Variants in KCNQ4 observed in about 807,000 individuals in gnomAD.
KCNQ4 encodes the protein potassium voltage-gated channel subfamily KQT member 4.
In KCNQ4, 31 loss-of-function variants were observed where a neutral mutation model predicts 72.6. That is an observed-to-expected ratio of 0.43 (90% CI 0.32 to 0.58). KCNQ4 has a LOEUF of 0.58. Ranked by LOEUF, KCNQ4 falls within the 20% of genes least tolerant of loss-of-function variation. The pLI is 0.08. For synonymous variants in KCNQ4, 405 were observed against 403.7 expected, an observed-to-expected ratio of 1.00 and a Z score of -0.04; for missense variants, 869 against 962.6, an observed-to-expected ratio of 0.90 and a Z score of 1.29.
At chr1:40,821,693 C>A (rs1220718231) in intron 7 of KCNQ4, among the ~76,000 whole-genome samples, 1 of 152,208 alleles carries the variant, frequency 6.6e-6, no homozygotes, top group Non-Finnish European at 1.5e-5. Flanking sequence ...ATTTGCAAAG[C>A]ACCCACATGT....
intron 10 of KCNQ4, among the ~76,000 whole-genome samples, chr1:40,831,543 A>G (rs1648647651): frequency 1.3e-5 from 2 of 152,234 alleles, no homozygotes; most frequent in South Asian, 4.1e-4. Context: ...GGTTAGCAGC[A>G]CAGGCTTTGG....
chr1:40,818,713 G>T (rs750873017), intron 4 of KCNQ4, 33 bp downstream of exon 4: 1 of 1,559,168 alleles, frequency 6.4e-7, no homozygotes, highest in Non-Finnish European at 8.6e-7. Flanking sequence ...GGAGACCCGA[G>T]GGCGTGTCTG....
intron 1 of KCNQ4, among the ~76,000 whole-genome samples, chr1:40,796,564 C>T (rs756996052): frequency 5.9e-5 from 9 of 152,246 alleles, no homozygotes; most frequent in Non-Finnish European, 8.8e-5. Flanking sequence ...CTAACTCACC[C>T]GGACTATGTC....
intron 9 of KCNQ4, chr1:40,826,605 A>G: frequency 2.2e-6 from 1 of 447,594 alleles, no homozygotes; most frequent in Non-Finnish European, 4.6e-6. Flanking sequence ...TTTCCCGCTA[A>G]CCTCTGTTCG....
chr1:40,815,237 TC>T (rs1648047436), intron 1 of KCNQ4, among the ~76,000 whole-genome samples: 1 of 92,734 alleles, frequency 1.1e-5, no homozygotes. Flanking sequence ...AGACTCCATC[TC>T]AAAAAAAAAA....
rs1475789252 is a variant in KCNQ4 at position 40,832,887 on chromosome 1, T to C, written c.1514-127T>C. 4.0e-6 allele frequency: 3 copies of C among 743,572 alleles called. No homozygotes were observed. The South Asian group carries it at 4.2e-5, about 11-fold the overall frequency. The allele number at this position is 743,572 out of a possible 1,614,324, so 46.1% of individuals were successfully genotyped here. A position where few individuals can be genotyped will look rare whatever the true frequency, so the allele number is the denominator to read the frequency against. On this transcript the variant is annotated intron_variant, in intron 10 of 13. Transcript: ENST00000347132. ...TGAGACACAGGAGCCCCAAGAAGGT[T>C]CTGAGCCCTTTCTGGGCCTCTGTCT...
At position 40,824,861 on chromosome 1, in the gene KCNQ4, T is replaced by G. The variant is rs566281668; in HGVS notation, c.1292+603T>G. 2.0e-4 allele frequency among the ~76,000 whole-genome samples: 31 copies of G among 152,378 alleles called. No individual in the cohort carries two copies. In the South Asian group the frequency reaches 5.4e-3, roughly 26 times the overall value. Reference sequence around the variant, plus strand: ...GTGCAGCCCTTGTCTGCAACTTTGCTAATCCCAGAGGGTCCTCTTGGGGTT... The same window carrying G: ...GTGCAGCCCTTGTCTGCAACTTTGCGAATCCCAGAGGGTCCTCTTGGGGTT... On this transcript the variant is annotated intron_variant, in intron 9 of 13. Coordinates refer to ENST00000347132, the MANE Select transcript of KCNQ4 (RefSeq NM_004700.4).
intron 1 of KCNQ4, among the ~76,000 whole-genome samples, chr1:40,797,634 G>A (rs1647454135): frequency 6.6e-6 from 1 of 152,096 alleles, no homozygotes; most frequent in African/African-American, 2.4e-5. Context: ...GATGCTGGAG[G>A]GGTAAGGACT....
chr1:40,838,551 C>A lies in KCNQ4; in HGVS notation c.*28C>A, dbSNP rs376526277. On this transcript the variant is annotated 3_prime_UTR_variant, in exon 14 of 14. Coordinates refer to ENST00000347132, the MANE Select transcript of KCNQ4 (RefSeq NM_004700.4). ...GACTTCTCAGAGGCAGGGCAGCACACGGCCAGCCCCGCGGCCTGGCGCTCC... is the reference window on the plus strand; with the variant it reads ...GACTTCTCAGAGGCAGGGCAGCACAAGGCCAGCCCCGCGGCCTGGCGCTCC... The A allele has an allele frequency of 3.1e-6, 5 of 1,603,104 alleles. No homozygotes were observed. Among genetic ancestry groups the A allele is most frequent in the Non-Finnish European group, 4.3e-6 (5 of 1,170,300 alleles).
In KCNQ4 at chr1:40,817,662, T is replaced by C. The variant is rs1033781550; in HGVS notation, c.405+307T>C. On this transcript the variant is annotated intron_variant, in intron 2 of 13. Coordinates refer to ENST00000347132, the MANE Select transcript of KCNQ4 (RefSeq NM_004700.4). The surrounding 1 kb of genome is among the most constrained non-coding windows in gnomAD (Gnocchi z 5.5). ...CTCTCTGGGCATCATCTCCACTTTA[T>C]AGCAAGTGTTGGGGGACCTCCTGCC... Among the ~76,000 whole-genome samples, 7 of 152,188 alleles carry C rather than the reference T, an allele frequency of 4.6e-5. No homozygotes were observed. The highest frequency in any genetic ancestry group is 8.8e-5 in the Non-Finnish European group (6 of 68,024).
chr1:40,810,650 G>A (rs1444397983), intron 1 of KCNQ4, among the ~76,000 whole-genome samples: 1 of 152,166 alleles, frequency 6.6e-6, no homozygotes, highest in Non-Finnish European at 1.5e-5. Flanking sequence ...GAGAGAGAGA[G>A]CCGTGGACAC....
chr1:40,816,072 G>C (rs899468819), intron 1 of KCNQ4, among the ~76,000 whole-genome samples: 5 of 152,176 alleles, frequency 3.3e-5, no homozygotes, highest in African/African-American at 1.2e-4. Flanking sequence ...GTTCCTGTAG[G>C]CGTGGACGAT....
intron 12 of KCNQ4, 88 bp from the exon 13 acceptor site, chr1:40,837,577 G>T: frequency 6.6e-7 from 1 of 1,519,142 alleles, no homozygotes; most frequent in Non-Finnish European, 8.9e-7. Flanking sequence ...CCCTCGTGGT[G>T]CCTTCTCCTT....
In KCNQ4 at chr1:40,819,950, G is replaced by A. The variant is rs772355179; in HGVS notation, c.910G>A (p.Ala304Thr). 5 of 1,614,184 alleles carry A rather than the reference G, an allele frequency of 3.1e-6. No homozygotes were observed. Among genetic ancestry groups the A allele is most frequent in the Admixed American group, 1.7e-5 (1 of 60,032 alleles). ...GGGCAGGGTCCTGGCTGCTGGCTTC[G>A]CCTTACTGGGCATCTCTTTCTTTGC... ...WLGRVLAAGF[A>T]LLGISFFALP... is the part of the protein sequence containing the mutation. The change falls in exon 6 of 14, where the codon GCC becomes ACC. Residue 304 changes from alanine to threonine, a missense_variant. Physicochemically the swap from Ala to Thr is moderately conservative, Grantham distance 58. This residue lies in a region of KCNQ4 where 13 missense variants were observed against 46.0 expected (regional missense o/e 0.28). Coordinates refer to ENST00000347132, the MANE Select transcript of KCNQ4 (RefSeq NM_004700.4).
intron 9 of KCNQ4, among the ~76,000 whole-genome samples, chr1:40,830,714 C>A (rs1648616126): frequency 6.6e-6 from 1 of 152,124 alleles, no homozygotes; most frequent in Non-Finnish European, 1.5e-5. Context: ...GGGGTCGCCA[C>A]CCCCACCCTC....
chr1:40,821,218 T>G (rs3754174), intron 7 of KCNQ4, among the ~76,000 whole-genome samples: 1 of 152,154 alleles, frequency 6.6e-6, no homozygotes, highest in Admixed American at 6.5e-5. Context: ...GCTAGTATTG[T>G]GGTGCCCATA....
chr1:40,807,075 G>A (rs1647787387), intron 1 of KCNQ4, among the ~76,000 whole-genome samples: 1 of 152,224 alleles, frequency 6.6e-6, no homozygotes, highest in African/African-American at 2.4e-5. Flanking sequence ...GGGAAGGGAT[G>A]CCTGTGCTAA....
intron 1 of KCNQ4, among the ~76,000 whole-genome samples, chr1:40,799,828 C>T (rs1346179485): frequency 6.6e-6 from 1 of 152,238 alleles, no homozygotes; most frequent in Non-Finnish European, 1.5e-5. Flanking sequence ...TGTTCAGTAG[C>T]AGGCAGGATC....
In KCNQ4 at chr1:40,788,919, C is replaced by T. The variant is rs768719636; in HGVS notation, c.314+4512C>T. Reference sequence around the variant, plus strand: ...GCACAAACACACACACAGCATCCATCCAACAAAAAGAGTTCTAGTTTACAG... The same window carrying T: ...GCACAAACACACACACAGCATCCATTCAACAAAAAGAGTTCTAGTTTACAG... On this transcript the variant is annotated intron_variant, in intron 1 of 13. Coordinates refer to ENST00000347132, the MANE Select transcript of KCNQ4 (RefSeq NM_004700.4). This position sits in a 1 kb window ranked among gnomAD's most constrained non-coding sequence, Gnocchi z 4.5. Among the ~76,000 whole-genome samples the T allele has an allele frequency of 4.4e-4, 67 of 152,316 alleles. No individual in the cohort carries two copies. The highest frequency in any genetic ancestry group is 8.2e-4 in the Non-Finnish European group (56 of 68,032).
Sources: allele counts gnomAD v4.1 joint callset (sites outside exome capture counted in the v4.1 genomes callset), GRCh38; gene constraint gnomAD v4.1.1; regional missense constraint gnomAD v4.1.1; non-coding constraint Gnocchi (gnomAD v3.1); transcripts MANE v1.5; gene names NCBI Gene and HGNC (gene_info 2026-07-23, HGNC 2026-07-21).